SFSWAP: variants seen among roughly 807,000 people sequenced by gnomAD.
SFSWAP encodes splicing factor SWAP.
In SFSWAP, 17 loss-of-function variants were observed where a neutral mutation model predicts 100.7. That is an observed-to-expected ratio of 0.17 (90% CI 0.12 to 0.25). The LOEUF (loss-of-function observed/expected upper bound fraction) is 0.25, where lower values mean the gene tolerates loss of function less well. SFSWAP is among the 10% of genes least tolerant of loss of function. The probability of loss-of-function intolerance (pLI) is 1.00; values close to 1 mark genes in which losing one functional copy is unlikely to be tolerated. For synonymous variants in SFSWAP, 504 were observed against 510.1 expected (o/e 0.99, Z 0.16); for missense variants, 1,005 against 1,262.6 (o/e 0.80, Z 3.09).
Position 131,742,440 on chromosome 12 carries a change from T to C in SFSWAP, c.1082-10683T>C, listed in dbSNP as rs116243517. On this transcript the variant is annotated intron_variant, in intron 7 of 17. Coordinates refer to ENST00000261674, the MANE Select transcript of SFSWAP (RefSeq NM_004592.4). ...GCTTTTTTTTTTCTAGAGGAAAGTT[T>C]TATTTGCCAGAAAGAGGTGACTTTT... is the stretch of plus-strand genomic sequence containing the variant. 8.0e-3 allele frequency among the ~76,000 whole-genome samples: 1,211 copies of C among 152,308 alleles called. 20 individuals carry two copies. Among genetic ancestry groups the C allele is most frequent in the African/African-American group, 0.028 (1,157 of 41,550 alleles).
At chr12:131,740,471 G>A (rs115916375) in intron 7 of SFSWAP, among the ~76,000 whole-genome samples, 1 of 152,268 alleles carries the variant, frequency 6.6e-6, no homozygotes, top group Admixed American at 6.5e-5. Context: ...GGACTATATT[G>A]TATACCTTTC....
intron 16 of SFSWAP, 102 bp downstream of exon 16, chr12:131,797,462 T>C (rs568735953): frequency 9.0e-7 from 1 of 1,107,622 alleles, no homozygotes; most frequent in African/African-American, 1.6e-5. Flanking sequence ...TACTCGCCTG[T>C]GTCCAGGGGG....
At position 131,725,311 on chromosome 12, in the gene SFSWAP, G is replaced by A. The variant is rs1878849941; in HGVS notation, c.607-94G>A. 2 of 1,072,796 alleles carry A rather than the reference G, an allele frequency of 1.9e-6. No individual in the cohort carries two copies. The highest frequency in any genetic ancestry group is 2.6e-5 in the South Asian group (2 of 75,784). The allele number at this position is 1,072,796 out of a possible 1,614,324, so 66.5% of individuals were successfully genotyped here. ...AGTCTCGTATCTCTTAAAATTGACA[G>A]TAAAACCAGAGTCATTTCTATGTTT... is the stretch of plus-strand genomic sequence containing the variant. On this transcript the variant is annotated intron_variant, in intron 4 of 17. Transcript: ENST00000261674. This position sits in a 1 kb window ranked among gnomAD's most constrained non-coding sequence, Gnocchi z 4.3.
At position 131,730,911 on chromosome 12, in the gene SFSWAP, G is replaced by A. The variant is rs963247785; in HGVS notation, c.1081+2483G>A. ...GTGGATACACACATGTGAGAGTAAG[G>A]GTGCCTGGGGGCTGGTGAAAGCATG... On this transcript the variant is annotated intron_variant, in intron 7 of 17. Transcript: ENST00000261674. This position sits in a 1 kb window ranked among gnomAD's most constrained non-coding sequence, Gnocchi z 4.0. Among the ~76,000 whole-genome samples the A allele has an allele frequency of 2.0e-5, 3 of 152,174 alleles. No homozygotes were observed. The highest frequency in any genetic ancestry group is 4.4e-5 in the Non-Finnish European group (3 of 68,036).
chr12:131,747,771 C>T (rs1881272866), intron 7 of SFSWAP, among the ~76,000 whole-genome samples: 1 of 152,200 alleles, frequency 6.6e-6, no homozygotes, highest in African/African-American at 2.4e-5. Context: ...AAATCAGGGG[C>T]TCTGTTCTGG....
intron 7 of SFSWAP, among the ~76,000 whole-genome samples, chr12:131,746,872 A>C (rs933414683): frequency 6.6e-6 from 1 of 152,146 alleles, no homozygotes; most frequent in Non-Finnish European, 1.5e-5. Context: ...TGGGAGGCCA[A>C]GGCGGGCAGA....
chr12:131,722,072 T>C (rs1405209270), intron 4 of SFSWAP, among the ~76,000 whole-genome samples: 2 of 152,196 alleles, frequency 1.3e-5, no homozygotes, highest in African/African-American at 2.4e-5. Flanking sequence ...AATTGTTGAA[T>C]TGTGGTTAAG....
intron 15 of SFSWAP, among the ~76,000 whole-genome samples, chr12:131,786,793 G>T (rs989060998): frequency 6.6e-6 from 1 of 152,142 alleles, no homozygotes; most frequent in Non-Finnish European, 1.5e-5. Flanking sequence ...GGTGGGCGGG[G>T]GTCACTTACC....
At chr12:131,749,356 G>GT (rs1881416066) in intron 7 of SFSWAP, among the ~76,000 whole-genome samples, 3 of 152,232 alleles carry the variant, frequency 2.0e-5, no homozygotes, top group Admixed American at 1.3e-4. Flanking sequence ...TTCATGACTA[G>GT]TAATGGCACA....
At chr12:131,738,739 A>G (rs1880284101) in intron 7 of SFSWAP, among the ~76,000 whole-genome samples, 1 of 152,110 alleles carries the variant, frequency 6.6e-6, no homozygotes, top group Non-Finnish European at 1.5e-5. Context: ...TTAACAGTGC[A>G]TGTGTATCTC....
At chr12:131,785,011 C>A in intron 14 of SFSWAP, 1 of 1,361,858 alleles carries the variant, frequency 7.3e-7, no homozygotes, top group Non-Finnish European at 9.8e-7. Context: ...TTTCAGAGTT[C>A]TGGTAGCGCC....
chr12:131,716,811 T>C (rs1877959541), intron 3 of SFSWAP, among the ~76,000 whole-genome samples: 1 of 152,234 alleles, frequency 6.6e-6, no homozygotes, highest in East Asian at 1.9e-4. Flanking sequence ...TTCTAGATGA[T>C]GGACCATTGT....
chr12:131,738,443 G>A (rs930106584), intron 7 of SFSWAP, among the ~76,000 whole-genome samples: 8 of 152,188 alleles, frequency 5.3e-5, no homozygotes, highest in African/African-American at 1.7e-4. Context: ...CTTTATGCAC[G>A]AATATCAATT....
intron 3 of SFSWAP, among the ~76,000 whole-genome samples, chr12:131,717,560 A>G (rs1453722564): frequency 6.6e-6 from 1 of 152,214 alleles, no homozygotes; most frequent in Non-Finnish European, 1.5e-5. Context: ...AAAGGTATAT[A>G]TAAGAATAGA....
At position 131,799,529 on chromosome 12, in the gene SFSWAP, T is replaced by C. The variant is rs1885923020; in HGVS notation, c.*41T>C. The C allele has an allele frequency of 1.9e-6, 3 of 1,584,352 alleles. No individual in the cohort carries two copies. The East Asian group carries it at 6.7e-5, about 36-fold the overall frequency. Reference sequence around the variant, plus strand: ...GGCAGAGCCGGGAGGCTGCGTGGGCTTCTGGGCAGGCTCACGCAGACGCCG... The same window carrying C: ...GGCAGAGCCGGGAGGCTGCGTGGGCCTCTGGGCAGGCTCACGCAGACGCCG... On this transcript the variant is annotated 3_prime_UTR_variant, in exon 18 of 18. Transcript: ENST00000261674.
chr12:131,747,860 G>C (rs1881281942), intron 7 of SFSWAP, among the ~76,000 whole-genome samples: 2 of 152,218 alleles, frequency 1.3e-5, no homozygotes, highest in African/African-American at 4.8e-5. Flanking sequence ...TTCAAGTTCA[G>C]CTCAGGGCTG....
intron 7 of SFSWAP, among the ~76,000 whole-genome samples, chr12:131,752,176 G>C (rs1426019268): frequency 6.6e-6 from 1 of 152,144 alleles, no homozygotes; most frequent in Non-Finnish European, 1.5e-5. Context: ...AGCTTTTACT[G>C]TTTTTCAATG....
At chr12:131,796,924 A>G (rs1482194913) in intron 15 of SFSWAP, 2 of 428,200 alleles carry the variant, frequency 4.7e-6, no homozygotes, top group East Asian at 7.4e-5. Flanking sequence ...GGTATTTTAC[A>G]TGTAAATAAA....
chr12:131,781,171 T>A (rs12227258), intron 14 of SFSWAP, among the ~76,000 whole-genome samples: 60,523 of 151,686 alleles, frequency 0.4, 13,116 homozygotes, highest in Non-Finnish European at 0.49. Flanking sequence ...GAGTTACATA[T>A]TTTTGAATAA....
Sources: gnomAD v4.1 joint callset for allele counts (sites outside exome capture counted in the v4.1 genomes callset) on GRCh38, gnomAD v4.1.1 for gene constraint, Gnocchi (gnomAD v3.1) non-coding constraint, MANE v1.5 for transcripts, NCBI Gene and HGNC (gene_info 2026-07-23, HGNC 2026-07-21) for gene names.